GPC5: variants seen among roughly 807,000 people sequenced by gnomAD.
The protein encoded by GPC5 is glypican 5, also known as glypican-5.
Under a neutral mutation model 53.9 loss-of-function variants are expected in GPC5, and 47 were observed. That is an observed-to-expected ratio of 0.87 (90% CI 0.69 to 1.11). GPC5 has a LOEUF of 1.11. Ranked by LOEUF, GPC5 falls within the 50% of genes most tolerant of loss-of-function variation. The pLI is 0.00. For missense variants in GPC5, 748 were observed against 713.1 expected (o/e 1.05, Z -0.56); for synonymous variants, 286 against 263.3 (o/e 1.09, Z -0.84).
chr13:92,032,996 G>A lies in GPC5; in HGVS notation c.1402-111834G>A, dbSNP rs2040864811. Among the ~76,000 whole-genome samples the A allele has an allele frequency of 3.3e-5, 5 of 151,648 alleles. No homozygotes were observed. The South Asian group carries it at 8.3e-4, about 25-fold the overall frequency. On this transcript the variant is annotated intron_variant, in intron 6 of 7. Transcript: ENST00000377067. Reference sequence around the variant, plus strand: ...CTATCTCCAGTACTACCTCCTCAGGGAAGCAGCCCTGTTGTTCTTCTGCCC... The same window carrying A: ...CTATCTCCAGTACTACCTCCTCAGGAAAGCAGCCCTGTTGTTCTTCTGCCC...
chr13:92,581,809 T>C (rs1217678719), intron 7 of GPC5, among the ~76,000 whole-genome samples: 1 of 152,202 alleles, frequency 6.6e-6, no homozygotes, highest in African/African-American at 2.4e-5. Context: ...ATTTCCCTGA[T>C]GATAGGTGAT....
intron 7 of GPC5, among the ~76,000 whole-genome samples, chr13:92,416,074 A>G (rs2139355811): frequency 6.6e-6 from 1 of 152,358 alleles, no homozygotes; most frequent in South Asian, 2.1e-4. Context: ...GCTTTGGAAC[A>G]TTTTAAGATG....
At chr13:91,538,220 T>C (rs1448126715) in intron 2 of GPC5, among the ~76,000 whole-genome samples, 3 of 152,208 alleles carry the variant, frequency 2.0e-5, no homozygotes, top group Non-Finnish European at 4.4e-5. Flanking sequence ...ATGCTGGATA[T>C]CACAGTTGAG....
chr13:91,641,267 G>C (rs988035498), intron 2 of GPC5, among the ~76,000 whole-genome samples: 1 of 152,232 alleles, frequency 6.6e-6, no homozygotes, highest in East Asian at 1.9e-4. Flanking sequence ...GGCGGAGCTT[G>C]CAGTGAGCCA....
intron 2 of GPC5, among the ~76,000 whole-genome samples, chr13:91,584,548 A>G (rs1019585893): frequency 6.6e-6 from 1 of 152,146 alleles, no homozygotes; most frequent in African/African-American, 2.4e-5. Context: ...CATTGATAAT[A>G]TAAGAGAAAA....
At chr13:91,492,296 T>TA in intron 2 of GPC5, among the ~76,000 whole-genome samples, 1 of 152,344 alleles carries the variant, frequency 6.6e-6, no homozygotes, top group East Asian at 1.9e-4. Context: ...CATAGCTGTA[T>TA]AAATGAGATT....
At chr13:92,433,957 G>A (rs1456005781) in intron 7 of GPC5, among the ~76,000 whole-genome samples, 1 of 152,082 alleles carries the variant, frequency 6.6e-6, no homozygotes, top group Non-Finnish European at 1.5e-5. Context: ...ATGTAACTTG[G>A]AAAACTGGAG....
intron 5 of GPC5, among the ~76,000 whole-genome samples, chr13:91,784,799 A>G (rs2037853579): frequency 3.9e-5 from 6 of 152,072 alleles, no homozygotes; most frequent in Admixed American, 3.3e-4. Flanking sequence ...TTATAGCCAT[A>G]TGTGATTTTT....
Position 92,731,554 on chromosome 13 carries a change from T to G in GPC5, c.1562-134728T>G, listed in dbSNP as rs1279922661. On this transcript the variant is annotated intron_variant, in intron 7 of 7. Coordinates refer to ENST00000377067, the MANE Select transcript of GPC5 (RefSeq NM_004466.6). The stretch of plus-strand genomic sequence containing the variant: ...AGTAAGCATTCCTTGAGGGCTTGAG[T>G]GTTCAAATTCAAGATATCATGAAGC... 9.9e-5 allele frequency among the ~76,000 whole-genome samples: 15 copies of G among 151,464 alleles called. No homozygotes were observed. The East Asian group carries it at 2.9e-3, about 30-fold the overall frequency.
intron 7 of GPC5, among the ~76,000 whole-genome samples, chr13:92,431,582 A>G (rs996942165): frequency 6.6e-6 from 1 of 152,160 alleles, no homozygotes; most frequent in Non-Finnish European, 1.5e-5. Context: ...GTCAGTGTAA[A>G]GAAGATGGAG....
intron 7 of GPC5, among the ~76,000 whole-genome samples, chr13:92,254,078 T>C (rs2042710427): frequency 1.3e-5 from 2 of 151,926 alleles, no homozygotes; most frequent in African/African-American, 4.8e-5. Flanking sequence ...TGCCTGAAGG[T>C]AGTCAAAGGC....
intron 7 of GPC5, among the ~76,000 whole-genome samples, chr13:92,609,056 C>T (rs1594343505): frequency 6.6e-6 from 1 of 152,128 alleles, no homozygotes; most frequent in African/African-American, 2.4e-5. Context: ...CTTCCCCCAA[C>T]CCTCAAAATG....
chr13:91,744,560 T>C (rs2037006539), intron 4 of GPC5, among the ~76,000 whole-genome samples: 1 of 152,134 alleles, frequency 6.6e-6, no homozygotes, highest in African/African-American at 2.4e-5. Flanking sequence ...CAGATAAATT[T>C]GTGGGTGGAG....
At chr13:91,896,963 A>C (rs918669562) in intron 5 of GPC5, among the ~76,000 whole-genome samples, 5 of 152,170 alleles carry the variant, frequency 3.3e-5, no homozygotes, top group Non-Finnish European at 7.4e-5. Context: ...GCTGTAGTGT[A>C]GTTAAAGTGA....
intron 1 of GPC5, among the ~76,000 whole-genome samples, chr13:91,412,499 G>T (rs938349908): frequency 2.0e-5 from 3 of 152,154 alleles, no homozygotes; most frequent in Admixed American, 6.5e-5. Context: ...CAAAAGGTTA[G>T]CATCCTTAAT....
chr13:92,059,527 A>T (rs772867834), intron 6 of GPC5, among the ~76,000 whole-genome samples: 13 of 151,984 alleles, frequency 8.6e-5, no homozygotes, highest in Non-Finnish European at 1.8e-4. Context: ...AGAATATACT[A>T]GATATGCTTT....
At chr13:92,803,491 C>A (rs949509583) in intron 7 of GPC5, among the ~76,000 whole-genome samples, 10 of 151,990 alleles carry the variant, frequency 6.6e-5, no homozygotes, top group African/African-American at 2.4e-4. Context: ...CAACTCAGTT[C>A]TGTCTTTTGT....
chr13:91,545,460 C>T (rs1365174258), intron 2 of GPC5, among the ~76,000 whole-genome samples: 3 of 152,040 alleles, frequency 2.0e-5, no homozygotes, highest in African/African-American at 7.2e-5. Flanking sequence ...CTTTGGGTTA[C>T]ATTCAAGTTT....
At chr13:91,576,844 T>G (rs1257188380) in intron 2 of GPC5, among the ~76,000 whole-genome samples, 4 of 152,154 alleles carry the variant, frequency 2.6e-5, no homozygotes, top group Non-Finnish European at 5.9e-5. Context: ...AACAAAGTTC[T>G]GTATGCTGAA....
Sources: allele counts gnomAD v4.1 joint callset (sites outside exome capture counted in the v4.1 genomes callset), GRCh38; gene constraint gnomAD v4.1.1; transcripts MANE v1.5; gene names NCBI Gene and HGNC (gene_info 2026-07-23, HGNC 2026-07-21).